Variants in MLIP observed in about 807,000 individuals in gnomAD.
MLIP encodes muscular LMNA-interacting protein.
A neutral mutation model predicts 84.8 loss-of-function variants in MLIP; 79 were observed. The observed-to-expected ratio is 0.93, with a 90% CI of 0.78 to 1.12. MLIP has a LOEUF of 1.12. Ranked by LOEUF, MLIP falls within the 50% of genes most tolerant of loss-of-function variation. MLIP has a pLI of 0.00. For missense variants in MLIP, 1,257 were observed against 1,160.6 expected (o/e 1.08, Z -1.21); for synonymous variants, 504 against 463.0 (o/e 1.09, Z -1.14).
At chr6:54,111,596 A>G (rs1313476779) in intron 1 of MLIP, 21 bp downstream of exon 1, 4 of 1,535,742 alleles carry the variant, frequency 2.6e-6, no homozygotes, top group Non-Finnish European at 3.5e-6. Context: ...GTCTTTGCTT[A>G]ATGCTTTCAG....
intron 2 of MLIP, among the ~76,000 whole-genome samples, chr6:54,122,546 A>G (rs566581486): frequency 1.3e-5 from 2 of 152,358 alleles, no homozygotes; most frequent in South Asian, 2.1e-4. Context: ...AGAAAGGAGT[A>G]AAATAATCAG....
At chr6:54,244,071 C>T (rs1285170224) in intron 12 of MLIP, among the ~76,000 whole-genome samples, 2 of 152,098 alleles carry the variant, frequency 1.3e-5, no homozygotes, top group African/African-American at 4.8e-5. Flanking sequence ...ACTGAGGTAG[C>T]CACATTTATT....
chr6:54,129,553 T>G (rs748061767), intron 3 of MLIP, among the ~76,000 whole-genome samples: 1 of 152,222 alleles, frequency 6.6e-6, no homozygotes, highest in Non-Finnish European at 1.5e-5. Context: ...CTAGGACTCC[T>G]GCCTTAGAGT....
At chr6:54,140,866 G>T (rs537089771) in intron 4 of MLIP, among the ~76,000 whole-genome samples, 43 of 152,276 alleles carry the variant, frequency 2.8e-4, no homozygotes, top group Non-Finnish European at 4.7e-4. Context: ...TGATATTGAA[G>T]AATTTATATG....
At chr6:54,029,628 C>T (rs1378224025) in intron 1 of MLIP, among the ~76,000 whole-genome samples, 1 of 152,070 alleles carries the variant, frequency 6.6e-6, no homozygotes, top group Non-Finnish European at 1.5e-5. Flanking sequence ...TTAAACCCAG[C>T]AACTTTTTTT....
chr6:54,259,800 T>C (rs1482537242), intron 13 of MLIP, among the ~76,000 whole-genome samples: 1 of 151,940 alleles, frequency 6.6e-6, no homozygotes, highest in Non-Finnish European at 1.5e-5. Flanking sequence ...TTCTTAGTAA[T>C]ATTGGCACAT....
Position 54,149,147 on chromosome 6 carries a change from C to G in MLIP, c.2289+20C>G, listed in dbSNP as rs747659296. On this transcript the variant is annotated intron_variant, in intron 5 of 13. Transcript: ENST00000502396. ...CAGAAGGTCAGTGTTGGCTCAAAAA[C>G]AGTGAATTTTACATTTTTAATGTGA... is the stretch of plus-strand genomic sequence containing the variant. The G allele has an allele frequency of 1.3e-6, 2 of 1,594,780 alleles. No homozygotes were observed. The highest frequency in any genetic ancestry group is 2.7e-5 in the African/African-American group (2 of 74,402).
At chr6:54,172,861 G>A (rs1237009741) in intron 9 of MLIP, among the ~76,000 whole-genome samples, 2 of 151,678 alleles carry the variant, frequency 1.3e-5, no homozygotes, top group Non-Finnish European at 3.0e-5. Flanking sequence ...ACTAATTAAA[G>A]TAAAGGTTTT....
chr6:54,230,466 A>G (rs1293220360), intron 11 of MLIP, among the ~76,000 whole-genome samples: 1 of 152,146 alleles, frequency 6.6e-6, no homozygotes, highest in Admixed American at 6.5e-5. Flanking sequence ...GGTACCCTTC[A>G]GGAGACATTC....
chr6:54,229,942 A>G (rs770955853), intron 11 of MLIP, among the ~76,000 whole-genome samples: 64 of 152,212 alleles, frequency 4.2e-4, no homozygotes, highest in Middle Eastern at 6.8e-3. Flanking sequence ...TAGCCTCAAG[A>G]CTTCTTACTG....
At chr6:54,242,116 G>A (rs1224599730) in intron 12 of MLIP, among the ~76,000 whole-genome samples, 1 of 152,198 alleles carries the variant, frequency 6.6e-6, no homozygotes, top group Admixed American at 6.5e-5. Context: ...AGTTTTCATG[G>A]CGGTCTGATG....
rs921038106 is a variant in MLIP at position 54,266,128 on chromosome 6, T to G, written c.*173T>G. Reference sequence around the variant, plus strand: ...CTGCAATTATATAGCATCACAGTGCTCTGCTAACAGCCAGCATAGAAGAGA... The same window carrying G: ...CTGCAATTATATAGCATCACAGTGCGCTGCTAACAGCCAGCATAGAAGAGA... On this transcript the variant is annotated 3_prime_UTR_variant, in exon 14 of 14. Transcript: ENST00000502396. 8 of 636,270 alleles carry G rather than the reference T, an allele frequency of 1.3e-5. No homozygotes were observed. Among genetic ancestry groups the G allele is most frequent in the Non-Finnish European group, 2.2e-5 (8 of 356,296 alleles). 39.4% of individuals were successfully genotyped at this position (636,270 alleles called of 1,614,324 possible). A position where few individuals can be genotyped will look rare whatever the true frequency, so the allele number is the denominator to read the frequency against.
chr6:54,051,065 C>G (rs1420565780), intron 1 of MLIP, among the ~76,000 whole-genome samples: 1 of 152,084 alleles, frequency 6.6e-6, no homozygotes, highest in African/African-American at 2.4e-5. Flanking sequence ...TCCCCAAGTC[C>G]TTCAGGAGGT....
chr6:54,180,900 G>A (rs1406043596), intron 9 of MLIP, among the ~76,000 whole-genome samples: 2 of 152,078 alleles, frequency 1.3e-5, no homozygotes, highest in Admixed American at 1.3e-4. Context: ...TGATGCTTGT[G>A]GATGTTTGTC....
In MLIP at chr6:54,137,794, C is replaced by T. The variant is rs1771945951; in HGVS notation, c.1725C>T (p.Asn575=). 6.5e-7 allele frequency: 1 copy of T among 1,535,952 alleles called. No homozygotes were observed. The highest frequency in any genetic ancestry group is 8.7e-7 in the Non-Finnish European group (1 of 1,146,904). ...ATGGTGACCTCAGGGGTCCAGAAAACCCCAGAAACATTCACACGTACCCTT... is the reference window on the plus strand; with the variant it reads ...ATGGTGACCTCAGGGGTCCAGAAAATCCCAGAAACATTCACACGTACCCTT... The part of the protein sequence containing the change: ...KQDGDLRGPE[N]PRNIHTYPST... The change falls in exon 4 of 14, where the codon AAC becomes AAT. Residue 575 remains asparagine, a synonymous_variant. Coordinates refer to ENST00000502396, the MANE Select transcript of MLIP (RefSeq NM_001281747.2).
intron 13 of MLIP, among the ~76,000 whole-genome samples, chr6:54,259,460 A>G (rs767922465): frequency 1.3e-5 from 2 of 151,936 alleles, no homozygotes; most frequent in Non-Finnish European, 2.9e-5. Flanking sequence ...TGAATTGGTT[A>G]TTTAAATTAC....
chr6:54,247,665 T>A (rs1369958900), intron 12 of MLIP, among the ~76,000 whole-genome samples: 1 of 152,158 alleles, frequency 6.6e-6, no homozygotes, highest in African/African-American at 2.4e-5. Flanking sequence ...TGTGGCCCAA[T>A]GCCAGGAAGA....
rs1341800746 is a variant in MLIP at position 54,121,438 on chromosome 6, G to A, written c.97-9G>A. On this transcript the variant is annotated splice_polypyrimidine_tract_variant and intron_variant, in intron 1 of 13. Coordinates refer to ENST00000502396, the MANE Select transcript of MLIP (RefSeq NM_001281747.2). ...AGGCTGAAAGTCTAATTAACTACAT[G>A]TCTCATAGGTCTCTGCTGGTGGTTC... The A allele has an allele frequency of 3.7e-6, 6 of 1,612,676 alleles. No individual in the cohort carries two copies. The highest frequency in any genetic ancestry group is 5.1e-6 in the Non-Finnish European group (6 of 1,179,726).
In MLIP at chr6:54,136,945, C is replaced by T; in HGVS notation, c.876C>T (p.Gly292=). 6.5e-7 allele frequency: 1 copy of T among 1,536,066 alleles called. No individual in the cohort carries two copies. Among genetic ancestry groups the T allele is most frequent in the Non-Finnish European group, 8.7e-7 (1 of 1,146,866 alleles). ...CTACACCCTTTTCTGCATCGAAGGG[C>T]ACCTCCTCGACGTTACTGTTTCCCC... ...AHSTPFSASK[G]TSSTLLFPHS... is the part of the protein sequence containing the mutation. The change falls in exon 4 of 14, where the codon GGC becomes GGT. Residue 292 remains glycine (G), a synonymous_variant. Transcript: ENST00000502396.
Sources: allele counts gnomAD v4.1 joint callset (sites outside exome capture counted in the v4.1 genomes callset), GRCh38; gene constraint gnomAD v4.1.1; transcripts MANE v1.5; gene names NCBI Gene and HGNC (gene_info 2026-07-23, HGNC 2026-07-21).